The following RASAL2 variants were observed in gnomAD, a reference collection of about 807,000 sequenced individuals.
RASAL2 encodes the protein RAS protein activator like 2, also known as ras GTPase-activating protein nGAP.
Under a neutral mutation model 128.9 loss-of-function variants are expected in RASAL2, and 58 were observed. The observed-to-expected ratio is 0.45, with a 90% CI of 0.36 to 0.56. The LOEUF (loss-of-function observed/expected upper bound fraction) is 0.56. Among genes scored for constraint, RASAL2 ranks in the 20% least tolerant of loss-of-function variants. The probability of loss-of-function intolerance (pLI) is 0.00; values close to 1 mark genes in which losing one functional copy is unlikely to be tolerated. For missense variants in RASAL2, 1,360 were observed against 1,601.6 expected (o/e 0.85, Z 2.57); for synonymous variants, 561 against 580.8 (o/e 0.97, Z 0.49).
At chr1:178,327,728 T>C (rs763191712) in intron 3 of RASAL2, among the ~76,000 whole-genome samples, 1 of 152,118 alleles carries the variant, frequency 6.6e-6, no homozygotes. Context: ...AAAAACAGTA[T>C]AGAAATGGCC....
At chr1:178,146,033 T>C (rs1262211476) in intron 1 of RASAL2, among the ~76,000 whole-genome samples, 1 of 152,240 alleles carries the variant, frequency 6.6e-6, no homozygotes, top group African/African-American at 2.4e-5. Flanking sequence ...AATAGCATTC[T>C]CTTCTATAGT....
chr1:178,158,111 A>G (rs556617277), intron 1 of RASAL2, among the ~76,000 whole-genome samples: 2 of 152,244 alleles, frequency 1.3e-5, no homozygotes, highest in Admixed American at 6.5e-5. Context: ...AGGCAGGTAT[A>G]TACTTGATTG....
intron 17 of RASAL2, among the ~76,000 whole-genome samples, chr1:178,469,243 GCCATA>G (rs1425680560): frequency 1.3e-5 from 2 of 152,216 alleles, no homozygotes; most frequent in South Asian, 4.2e-4. Context: ...GCTGTGGTGA[GCCATA>G]TTTGCGCCAG....
In RASAL2 at chr1:178,201,018, C is replaced by A. The variant is rs371032063; in HGVS notation, c.203-82546C>A. On this transcript the variant is annotated intron_variant, in intron 1 of 17. Transcript: ENST00000367649. ...TCTAGACCTATAATTAGACTAAAGT[C>A]CCAGCAGGCTCCTAGAGGTGAGGTT... is the stretch of plus-strand genomic sequence containing the variant. Among the ~76,000 whole-genome samples, 16 of 152,306 alleles carry A rather than the reference C, an allele frequency of 1.1e-4. No individual in the cohort carries two copies. The East Asian group carries it at 2.9e-3, about 28-fold the overall frequency.
intron 1 of RASAL2, among the ~76,000 whole-genome samples, chr1:178,154,173 G>A (rs1661004426): frequency 6.6e-6 from 1 of 150,752 alleles, no homozygotes; most frequent in African/African-American, 2.4e-5. Context: ...AAGAGATGGG[G>A]TCTTGCTCTA....
chr1:178,160,124 T>A (rs1398839685), intron 1 of RASAL2, among the ~76,000 whole-genome samples: 1 of 152,030 alleles, frequency 6.6e-6, no homozygotes, highest in African/African-American at 2.4e-5. Flanking sequence ...TATGTATACA[T>A]GTGTCATGTT....
chr1:178,294,416 T>C (rs1482244081), intron 2 of RASAL2, among the ~76,000 whole-genome samples: 2 of 152,192 alleles, frequency 1.3e-5, no homozygotes, highest in Non-Finnish European at 2.9e-5. Context: ...GGAACTATTA[T>C]GATAACTATG....
chr1:178,365,539 T>C (rs1429946909), intron 3 of RASAL2, among the ~76,000 whole-genome samples: 1 of 152,166 alleles, frequency 6.6e-6, no homozygotes, highest in Non-Finnish European at 1.5e-5. Flanking sequence ...TGACATGATC[T>C]AGGCTCACTG....
intron 1 of RASAL2, among the ~76,000 whole-genome samples, chr1:178,241,389 A>G (rs1664491123): frequency 6.6e-6 from 1 of 152,160 alleles, no homozygotes; most frequent in Non-Finnish European, 1.5e-5. Flanking sequence ...GTGTGTTGCT[A>G]GTATATTGTG....
intron 4 of RASAL2, among the ~76,000 whole-genome samples, chr1:178,402,416 G>C (rs1673694719): frequency 1.3e-5 from 2 of 150,860 alleles, no homozygotes. Flanking sequence ...AAAAAAAAAG[G>C]ACCAACATAT....
intron 3 of RASAL2, among the ~76,000 whole-genome samples, chr1:178,336,941 G>T (rs1432245594): frequency 6.6e-6 from 1 of 151,976 alleles, no homozygotes; most frequent in Admixed American, 6.6e-5. Flanking sequence ...TTCCCATTTA[G>T]ATTTTGCTTA....
intron 16 of RASAL2, 91 bp downstream of exon 16, chr1:178,466,213 C>T (rs1288812666): frequency 3.1e-5 from 39 of 1,241,828 alleles, no homozygotes; most frequent in Non-Finnish European, 4.3e-5. Context: ...GCAGCAAAAG[C>T]CATTTTTATC....
At chr1:178,385,098 C>T (rs1170679705) in intron 3 of RASAL2, among the ~76,000 whole-genome samples, 3 of 152,190 alleles carry the variant, frequency 2.0e-5, no homozygotes, top group Non-Finnish European at 4.4e-5. Flanking sequence ...ACTTTACTCT[C>T]TTTCCAAACA....
At chr1:178,412,012 G>T (rs1572028053) in intron 4 of RASAL2, 1 of 510,374 alleles carries the variant, frequency 2.0e-6, no homozygotes, top group East Asian at 3.6e-5. Flanking sequence ...GTCACCGTCT[G>T]TGAACAAGAC....
intron 1 of RASAL2, among the ~76,000 whole-genome samples, chr1:178,251,312 A>G (rs965455220): frequency 3.9e-5 from 6 of 152,256 alleles, no homozygotes; most frequent in African/African-American, 4.8e-5. Context: ...TAACTTGCTC[A>G]TACAATCTTT....
intron 2 of RASAL2, among the ~76,000 whole-genome samples, chr1:178,283,953 G>T (rs1326939608): frequency 6.6e-6 from 1 of 152,164 alleles, no homozygotes; most frequent in Non-Finnish European, 1.5e-5. Flanking sequence ...ATGGGAAGGG[G>T]TTGGATTATA....
At chr1:178,277,016 C>T (rs1396391118) in intron 1 of RASAL2, among the ~76,000 whole-genome samples, 3 of 151,542 alleles carry the variant, frequency 2.0e-5, no homozygotes, top group Non-Finnish European at 2.9e-5. Context: ...GGTGTGGTGG[C>T]GGTCGCCTGT....
chr1:178,225,828 G>C (rs1663766781), intron 1 of RASAL2, among the ~76,000 whole-genome samples: 1 of 151,886 alleles, frequency 6.6e-6, no homozygotes, highest in Non-Finnish European at 1.5e-5. Flanking sequence ...AAGTGCAAAA[G>C]ATTGTTGAAT....
intron 1 of RASAL2, among the ~76,000 whole-genome samples, chr1:178,246,464 G>A (rs1664770608): frequency 6.6e-6 from 1 of 152,050 alleles, no homozygotes; most frequent in Non-Finnish European, 1.5e-5. Flanking sequence ...AAGGAGTTTT[G>A]GGGCTGAGAC....
Sources: allele counts gnomAD v4.1 joint callset (sites outside exome capture counted in the v4.1 genomes callset), GRCh38; gene constraint gnomAD v4.1.1; transcripts MANE v1.5; gene names NCBI Gene and HGNC (gene_info 2026-07-23, HGNC 2026-07-21).